The following MCCC1 variants were observed in gnomAD, a reference collection of about 807,000 sequenced individuals.
MCCC1 encodes methylcrotonoyl-CoA carboxylase subunit alpha, mitochondrial.
MCCC1 carries 64 observed loss-of-function variants against 83.8 expected under a neutral mutation model. The observed-to-expected ratio is 0.76, with a 90% CI of 0.62 to 0.94. The LOEUF is 0.94. Ranked by LOEUF, MCCC1 falls within the 40% of genes least tolerant of loss-of-function variation. MCCC1 has a pLI of 0.00. For synonymous variants in MCCC1, 322 were observed against 315.4 expected (o/e 1.02, Z -0.22); for missense variants, 807 against 904.7 (o/e 0.89, Z 1.39).
At position 183,032,960 on chromosome 3, in the gene MCCC1, G is replaced by A. The variant is rs534283904; in HGVS notation, c.1681+1031C>T. Among the ~76,000 whole-genome samples, 19 of 152,232 alleles carry A rather than the reference G, an allele frequency of 1.2e-4. No individual in the cohort carries two copies. The East Asian group carries it at 1.7e-3, about 14-fold the overall frequency. On this transcript the variant is annotated intron_variant, in intron 14 of 18. Transcript: ENST00000265594. Reference sequence around the variant, plus strand: ...GATTTTCCTCTGTCCAAGGAAGAGCGTTCTGTGATCAGCTGGTGAAAGTAT... The same window carrying A: ...GATTTTCCTCTGTCCAAGGAAGAGCATTCTGTGATCAGCTGGTGAAAGTAT...
intron 8 of MCCC1, among the ~76,000 whole-genome samples, chr3:183,057,071 T>C (rs1416384606): frequency 1.3e-5 from 2 of 152,034 alleles, no homozygotes; most frequent in African/African-American, 4.8e-5. Context: ...TGAATCAGAG[T>C]AGATTTTCCC....
chr3:183,095,444 A>C (rs2108571272), intron 1 of MCCC1, among the ~76,000 whole-genome samples: 1 of 152,368 alleles, frequency 6.6e-6, no homozygotes, highest in East Asian at 1.9e-4. Flanking sequence ...AACGGAAGTT[A>C]AACAGGGGCA....
intron 14 of MCCC1, among the ~76,000 whole-genome samples, chr3:183,032,604 G>A (rs917666414): frequency 4.6e-5 from 7 of 152,210 alleles, no homozygotes; most frequent in African/African-American, 1.7e-4. Flanking sequence ...GGCTGGCATG[G>A]TGGCTCACGC....
intron 12 of MCCC1, 141 bp downstream of exon 12, chr3:183,038,885 C>T (rs148660713): frequency 1.3e-6 from 1 of 770,240 alleles, no homozygotes; most frequent in Non-Finnish European, 2.3e-6. Flanking sequence ...GCAAAATTCT[C>T]CCATGTGAAA....
chr3:183,016,027 C>G (rs1711593559), intron 18 of MCCC1, among the ~76,000 whole-genome samples: 1 of 150,908 alleles, frequency 6.6e-6, no homozygotes, highest in Non-Finnish European at 1.5e-5. Context: ...CTCCCGGGTT[C>G]AAGCGGTTCT....
chr3:183,103,541 TG>T (rs1376947567), upstream of MCCC1, among the ~76,000 whole-genome samples: 1 of 151,792 alleles, frequency 6.6e-6, no homozygotes, highest in Non-Finnish European at 1.5e-5. Context: ...AGATACAGAG[TG>T]TCAATTGGTG....
chr3:183,071,944 C>A (rs945584370), intron 5 of MCCC1, among the ~76,000 whole-genome samples: 12 of 150,216 alleles, frequency 8.0e-5, no homozygotes, highest in Admixed American at 7.4e-4. Flanking sequence ...TCACAGCTCA[C>A]TGCAGCCTTG....
chr3:183,022,438 G>A lies in MCCC1; in HGVS notation c.1848C>T (p.Asn616=), dbSNP rs746389830. The change falls in exon 16 of 19, where the codon AAC becomes AAT. Residue 616 remains asparagine, a synonymous_variant. Coordinates refer to ENST00000265594, the MANE Select transcript of MCCC1 (RefSeq NM_020166.5). Reference sequence around the variant, plus strand: ...TTACCTTGGAAAATAGGTAAATAGTGTTTTCCAGGATAATCAGCTTCGCTT... The same window carrying A: ...TTACCTTGGAAAATAGGTAAATAGTATTTTCCAGGATAATCAGCTTCGCTT... The part of the protein sequence containing the change: ...ASKAKLIILE[N]TIYLFSKEGS... 1 of 1,614,084 alleles carries A rather than the reference G, an allele frequency of 6.2e-7. No individual in the cohort carries two copies. Among genetic ancestry groups the A allele is most frequent in the South Asian group, 1.1e-5 (1 of 91,078 alleles).
chr3:183,108,086 G>A (rs1404491657), intron 1 of MCCC1, among the ~76,000 whole-genome samples: 1 of 152,184 alleles, frequency 6.6e-6, no homozygotes, highest in Non-Finnish European at 1.5e-5. Context: ...AGCTGCATAA[G>A]CTTGTTTGTA....
chr3:183,106,080 G>GCAAAA (rs1719398039), intron 1 of MCCC1, among the ~76,000 whole-genome samples: 1 of 12,828 alleles, frequency 7.8e-5, no homozygotes, highest in African/African-American at 1.8e-4. Context: ...CAGAGAGTCC[G>GCAAAA]TAAAAAAAAA....
chr3:183,082,577 A>G (rs1297642233), intron 4 of MCCC1, among the ~76,000 whole-genome samples: 1 of 152,218 alleles, frequency 6.6e-6, no homozygotes, highest in African/African-American at 2.4e-5. Flanking sequence ...CCTCTTCCGC[A>G]AGGCAGTACA....
chr3:183,111,778 T>A (rs1393370477), intron 1 of MCCC1, among the ~76,000 whole-genome samples: 1 of 152,172 alleles, frequency 6.6e-6, no homozygotes, highest in African/African-American at 2.4e-5. Context: ...AACACAGTGA[T>A]CAGACGGACA....
At chr3:183,072,295 G>A (rs932397668) in intron 5 of MCCC1, 71 bp downstream of exon 5, 2 of 1,552,296 alleles carry the variant, frequency 1.3e-6, no homozygotes, top group African/African-American at 2.7e-5. Flanking sequence ...TACAGGCATA[G>A]CCACATGCCT....
chr3:183,078,727 C>T (rs111777654), intron 4 of MCCC1, among the ~76,000 whole-genome samples: 5 of 152,262 alleles, frequency 3.3e-5, no homozygotes, highest in African/African-American at 1.2e-4. Flanking sequence ...TTTTGGTGTA[C>T]TAGATAAATG....
chr3:183,107,535 T>TATTATTATTATTATTATTA (rs1553872789), intron 1 of MCCC1, among the ~76,000 whole-genome samples: 12 of 149,304 alleles, frequency 8.0e-5, no homozygotes, highest in African/African-American at 3.0e-4. Context: ...TTATTATTAT[T>TATTATTATTATTATTATTA]TGTTGTTGTT....
chr3:183,053,532 C>T (rs1715154064), intron 8 of MCCC1, among the ~76,000 whole-genome samples: 1 of 151,594 alleles, frequency 6.6e-6, no homozygotes, highest in Non-Finnish European at 1.5e-5. Context: ...AGGGGCCAGG[C>T]ACGGTGGCTC....
chr3:183,053,029 A>G (rs1715109147), intron 8 of MCCC1, among the ~76,000 whole-genome samples: 1 of 152,210 alleles, frequency 6.6e-6, no homozygotes, highest in African/African-American at 2.4e-5. Flanking sequence ...TTATCATAGA[A>G]GATGACAGCT....
intron 10 of MCCC1, 47 bp from the exon 11 acceptor site, chr3:183,041,797 A>G: frequency 6.2e-7 from 1 of 1,604,134 alleles, no homozygotes; most frequent in Non-Finnish European, 8.5e-7. Context: ...TATAGCGGCT[A>G]CCAGACTTAG....
At chr3:183,022,360 T>C (rs1712225013) in intron 16 of MCCC1, 57 bp downstream of exon 16, 1 of 1,589,356 alleles carries the variant, frequency 6.3e-7, no homozygotes, top group East Asian at 2.2e-5. Context: ...GGAATGTCTC[T>C]GGTCAAACAG....
Sources: gnomAD v4.1 joint callset for allele counts (sites outside exome capture counted in the v4.1 genomes callset) on GRCh38, gnomAD v4.1.1 for gene constraint, MANE v1.5 for transcripts, NCBI Gene and HGNC (gene_info 2026-07-23, HGNC 2026-07-21) for gene names.